Variants in ZNF362 observed in about 807,000 individuals in gnomAD.
ZNF362 encodes the protein rotund homolog.
In ZNF362, 11 loss-of-function variants were observed where a neutral mutation model predicts 42.9. The observed-to-expected ratio is 0.26, with a 90% confidence interval of 0.16 to 0.42. ZNF362 has a LOEUF of 0.42. Among genes scored for constraint, ZNF362 ranks in the 20% least tolerant of loss-of-function variants. ZNF362 has a pLI of 1.00. For missense variants in ZNF362, 362 were observed against 576.2 expected (o/e 0.63, Z 3.81); for synonymous variants, 255 against 257.3 (o/e 0.99, Z 0.09).
the ZNF362 span, among the ~76,000 whole-genome samples, chr1:33,189,709 G>GTATATATATATATATA: frequency 0.14 from 1,777 of 12,308 alleles, 146 homozygotes; most frequent in African/African-American, 0.18. Context: ...ACATATATAC[G>GTATATATATATATATA]TATATATATA....
chr1:33,207,015 C>T, the ZNF362 span, among the ~76,000 whole-genome samples: 1,601 of 152,196 alleles, frequency 0.011, 36 homozygotes, highest in African/African-American at 0.036. Flanking sequence ...GTTTGTTACA[C>T]AGATATACAT....
intron 6 of ZNF362, among the ~76,000 whole-genome samples, chr1:33,288,765 A>AAAAAAAAAAAAAAAAAAAAAAAAG (rs1646051958): frequency 1.5e-5 from 2 of 133,616 alleles, no homozygotes; most frequent in Admixed American, 7.8e-5. Context: ...AAAAAAAAGA[A>AAAAAAAAAAAAAAAAAAAAAAAAG]GCGTGACCAC....
At chr1:33,271,320 TCTG>T (rs1343081435) in intron 2 of ZNF362, among the ~76,000 whole-genome samples, 3 of 152,196 alleles carry the variant, frequency 2.0e-5, no homozygotes, top group African/African-American at 7.2e-5. Context: ...AGCTGTTGCT[TCTG>T]CTGGGAATGC....
At chr1:33,146,141 A>G in the ZNF362 span, 6 of 265,162 alleles carry the variant, frequency 2.3e-5, no homozygotes, top group Admixed American at 5.0e-5. Flanking sequence ...GAAATTCAGC[A>G]GAGTCTGCTT....
At chr1:33,223,245 G>C in the ZNF362 span, among the ~76,000 whole-genome samples, 14 of 152,032 alleles carry the variant, frequency 9.2e-5, no homozygotes, top group African/African-American at 3.4e-4. Context: ...GCAAGATTCT[G>C]TCTCAAAAAA....
chr1:33,207,428 TA>T, the ZNF362 span, among the ~76,000 whole-genome samples: 1 of 152,240 alleles, frequency 6.6e-6, no homozygotes, highest in Non-Finnish European at 1.5e-5. Context: ...CATGTGTCTT[TA>T]TAGCAGCATG....
the ZNF362 span, chr1:33,195,659 A>G: frequency 6.6e-6 from 1 of 152,148 alleles, no homozygotes; most frequent in African/African-American, 2.4e-5. Context: ...AGGCAGACTA[A>G]AAATATGGCA....
In ZNF362 at chr1:33,300,132, GC is replaced by G. The variant is rs1646156215; in HGVS notation, c.*1091del. 6.6e-6 allele frequency: 1 copy of G among 152,490 alleles called. No individual in the cohort carries two copies. Among genetic ancestry groups the G allele is most frequent in the East Asian group, 1.9e-4 (1 of 5,178 alleles). 9.4% of individuals were successfully genotyped at this position (152,490 alleles called of 1,614,324 possible). A position where few individuals can be genotyped will look rare whatever the true frequency, so the allele number is the denominator to read the frequency against. On this transcript the variant is annotated 3_prime_UTR_variant, in exon 9 of 9. Coordinates refer to ENST00000539719, the MANE Select transcript of ZNF362 (RefSeq NM_152493.3). ...GGAACCATGTACAGAGCCCAGAGAA[GC>G]CCCCTACATCCCCCCGGGAAAAAAA...
the ZNF362 span, among the ~76,000 whole-genome samples, chr1:33,244,692 A>C: frequency 2.6e-4 from 39 of 152,296 alleles, no homozygotes; most frequent in African/African-American, 9.4e-4. This position sits in a 1 kb window ranked among gnomAD's most constrained non-coding sequence, Gnocchi z 4.0. Flanking sequence ...GCCTTAGATC[A>C]CTGGCTTCAT....
chr1:33,175,005 G>T, the ZNF362 span, among the ~76,000 whole-genome samples: 5,701 of 21,890 alleles, frequency 0.26, 243 homozygotes, highest in African/African-American at 0.34. Flanking sequence ...ACACATGTAT[G>T]TATATGTATA....
rs1645987277 is a variant in ZNF362, at chr1:33,280,741, T to C, written c.683+284T>C. Among the ~76,000 whole-genome samples the C allele has an allele frequency of 6.6e-6, 1 of 152,172 alleles. No homozygotes were observed. The highest frequency in any genetic ancestry group is 1.5e-5 in the Non-Finnish European group (1 of 68,026). On this transcript the variant is annotated intron_variant, in intron 5 of 8. Transcript: ENST00000539719. This position sits in a 1 kb window ranked among gnomAD's most constrained non-coding sequence, Gnocchi z 5.6. ...TTGTGAGAGTCGGTTTCCTCCTCCC[T>C]TTAAGCAGTGTTCTCAACCCTGGCC...
the ZNF362 span, among the ~76,000 whole-genome samples, chr1:33,189,489 T>C: frequency 2.0e-5 from 3 of 151,450 alleles, no homozygotes; most frequent in Non-Finnish European, 4.4e-5. Flanking sequence ...GGCTATATAA[T>C]CAGTTGATCC....
the ZNF362 span, among the ~76,000 whole-genome samples, chr1:33,238,363 T>TAAAATAAAATAAAATAAAATAATAA: frequency 1.7e-4 from 12 of 71,698 alleles, 1 homozygote; most frequent in East Asian, 1.2e-3. Flanking sequence ...TAAAATAAAA[T>TAAAATAAAATAAAATAAAATAATAA]AATAAAATAA....
chr1:33,168,534 T>C, the ZNF362 span, among the ~76,000 whole-genome samples: 2 of 152,220 alleles, frequency 1.3e-5, no homozygotes, highest in Non-Finnish European at 2.9e-5. Flanking sequence ...CAGTGCAACC[T>C]GCCGCAGCAC....
the ZNF362 span, among the ~76,000 whole-genome samples, chr1:33,130,605 G>A: frequency 6.6e-6 from 1 of 152,210 alleles, no homozygotes; most frequent in Admixed American, 6.6e-5. Context: ...ACACCTGATT[G>A]CAGCCATGTG....
intron 1 of ZNF362, among the ~76,000 whole-genome samples, chr1:33,267,886 A>T (rs1570387041): frequency 6.6e-6 from 1 of 152,232 alleles, no homozygotes; most frequent in Non-Finnish European, 1.5e-5. Context: ...TCACTAGGCC[A>T]GGAAGTTTGG....
chr1:33,154,241 G>A, the ZNF362 span, among the ~76,000 whole-genome samples: 1 of 150,858 alleles, frequency 6.6e-6, no homozygotes, highest in Non-Finnish European at 1.5e-5. Flanking sequence ...CTAAGTTCTG[G>A]GAGGCAAAAG....
chr1:33,220,467 A>G, the ZNF362 span, among the ~76,000 whole-genome samples: 3 of 152,130 alleles, frequency 2.0e-5, no homozygotes, highest in Non-Finnish European at 2.9e-5. Flanking sequence ...CACACTGAGG[A>G]GTCAGGGAGT....
chr1:33,165,459 G>A, the ZNF362 span: 259 of 1,582,420 alleles, frequency 1.6e-4, 1 homozygote, highest in African/African-American at 3.0e-3. This position sits in a 1 kb window ranked among gnomAD's most constrained non-coding sequence, Gnocchi z 4.0. Flanking sequence ...TCCGCGCCCC[G>A]GCCAGGCTCA....
Sources: gnomAD v4.1 joint callset for allele counts (sites outside exome capture counted in the v4.1 genomes callset) on GRCh38, gnomAD v4.1.1 for gene constraint, Gnocchi (gnomAD v3.1) non-coding constraint, MANE v1.5 for transcripts, NCBI Gene and HGNC (gene_info 2026-07-23, HGNC 2026-07-21) for gene names.